SCARB1: variants seen among roughly 807,000 people sequenced by gnomAD.
SCARB1 encodes CD36 and LIMPII analogous 1.
In SCARB1, 30 loss-of-function variants were observed where a neutral mutation model predicts 57.2. The observed-to-expected ratio is 0.52, with a 90% CI of 0.39 to 0.71. The LOEUF (loss-of-function observed/expected upper bound fraction) is 0.71, where lower values mean the gene tolerates loss of function less well. Ranked by LOEUF, SCARB1 falls within the 30% of genes least tolerant of loss-of-function variation. The pLI, the probability that SCARB1 is intolerant of heterozygous loss-of-function variation, is 0.00. For synonymous variants in SCARB1, 249 were observed against 268.3 expected (o/e 0.93, Z 0.70); for missense variants, 543 against 671.2 (o/e 0.81, Z 2.11).
intron 1 of SCARB1, among the ~76,000 whole-genome samples, chr12:124,833,300 C>T (rs1951493436): frequency 6.6e-6 from 1 of 151,964 alleles, no homozygotes; most frequent in Non-Finnish European, 1.5e-5. Context: ...AGCAATCCTC[C>T]TTCCTCAGCC....
intron 8 of SCARB1, 34 bp from the exon 9 acceptor site, chr12:124,795,302 C>A: frequency 6.4e-7 from 1 of 1,558,480 alleles, no homozygotes; most frequent in Non-Finnish European, 8.9e-7. Context: ...AGACTGGCCA[C>A]CCCCAAGCTC....
Position 124,810,264 on chromosome 12 carries a change from C to T in SCARB1, c.752G>A (p.Cys251Tyr). 6.2e-7 allele frequency: 1 copy of T among 1,613,830 alleles called. No homozygotes were observed. Among genetic ancestry groups the T allele is most frequent in the Non-Finnish European group, 8.5e-7 (1 of 1,179,734 alleles). The part of the protein sequence containing the change: ...SKVDFWHSDQ[C>Y]NMINGTSGQM... The stretch of plus-strand genomic sequence containing the variant: ...CCCAGAAGTTCCATTGATCATGTTG[C>T]ACTGATCGGAATGCCAGAAGTCAAC... The change falls in exon 6 of 13, where the codon TGC becomes TAC. Residue 251 changes from cysteine (C) to tyrosine (Y), a missense_variant. Coordinates refer to ENST00000261693, the MANE Select transcript of SCARB1 (RefSeq NM_005505.5). The surrounding 1 kb of genome is among the most constrained non-coding windows in gnomAD (Gnocchi z 4.0).
At chr12:124,806,657 C>T (rs959937614) in intron 7 of SCARB1, among the ~76,000 whole-genome samples, 2 of 152,132 alleles carry the variant, frequency 1.3e-5, no homozygotes, top group East Asian at 1.9e-4. Context: ...TGCTTTAACA[C>T]GCAGAGGCAG....
intron 1 of SCARB1, among the ~76,000 whole-genome samples, chr12:124,845,857 A>AG (rs1952127774): frequency 6.7e-6 from 1 of 148,232 alleles, no homozygotes; most frequent in East Asian, 2.0e-4. Context: ...ATACAAAAAA[A>AG]AAAAATTAGC....
At chr12:124,826,809 A>C (rs1951180335) in intron 1 of SCARB1, among the ~76,000 whole-genome samples, 1 of 152,166 alleles carries the variant, frequency 6.6e-6, no homozygotes, top group South Asian at 2.1e-4. Context: ...GAAAAGGCTA[A>C]AGAAAGAAAC....
rs1360086804 is a variant in SCARB1 at position 124,810,707 on chromosome 12, AC to A, written c.727-419del. ...TCATAATGGTGGCCACCACCGGGCA[AC>A]CCCAAAACAGAACCTGTCAGGTTAA... On this transcript the variant is annotated intron_variant, in intron 5 of 12. Coordinates refer to ENST00000261693, the MANE Select transcript of SCARB1 (RefSeq NM_005505.5). This position sits in a 1 kb window ranked among gnomAD's most constrained non-coding sequence, Gnocchi z 4.0. Among the ~76,000 whole-genome samples, 3 of 152,086 alleles carry A rather than the reference AC, an allele frequency of 2.0e-5. No individual in the cohort carries two copies. Among genetic ancestry groups the A allele is most frequent in the Admixed American group, 2.0e-4 (3 of 15,264 alleles).
At position 124,800,840 on chromosome 12, in the gene SCARB1, C is replaced by G. The variant is rs1262988916; in HGVS notation, c.1010-598G>C. Among the ~76,000 whole-genome samples, 1 of 152,190 alleles carries G rather than the reference C, an allele frequency of 6.6e-6. No homozygotes were observed. The highest frequency in any genetic ancestry group is 2.4e-5 in the African/African-American group (1 of 41,440). On this transcript the variant is annotated intron_variant, in intron 7 of 12. Coordinates refer to ENST00000261693, the MANE Select transcript of SCARB1 (RefSeq NM_005505.5). The surrounding 1 kb of genome is among the most constrained non-coding windows in gnomAD (Gnocchi z 4.8). ...CTGACCAACCAAACCAGGCAAACAC[C>G]AGCTCACCCTCGGGACAATGGACAA...
At chr12:124,815,328 G>A (rs1279420126) in intron 2 of SCARB1, among the ~76,000 whole-genome samples, 2 of 152,122 alleles carry the variant, frequency 1.3e-5, no homozygotes, top group African/African-American at 4.8e-5. Context: ...ACCCGGCCTC[G>A]TTCTGCTCTC....
At chr12:124,802,591 C>T (rs1950172992) in intron 7 of SCARB1, among the ~76,000 whole-genome samples, 1 of 152,188 alleles carries the variant, frequency 6.6e-6, no homozygotes, top group East Asian at 1.9e-4. Context: ...ACTTGCCAGC[C>T]CCCGCCCTTG....
intron 1 of SCARB1, among the ~76,000 whole-genome samples, chr12:124,824,227 C>G (rs915502363): frequency 6.6e-6 from 1 of 151,208 alleles, no homozygotes; most frequent in African/African-American, 2.4e-5. Context: ...GAATGCAACA[C>G]TGACACATGC....
At chr12:124,857,622 T>C (rs573990900) in intron 1 of SCARB1, among the ~76,000 whole-genome samples, 73 of 152,154 alleles carry the variant, frequency 4.8e-4, no homozygotes, top group Admixed American at 7.9e-4. Flanking sequence ...GACGCTGCAG[T>C]GACAGTGATG....
intron 12 of SCARB1, among the ~76,000 whole-genome samples, chr12:124,780,161 T>C (rs2135515923): frequency 6.6e-6 from 1 of 152,238 alleles, no homozygotes; most frequent in South Asian, 2.1e-4. Context: ...AACATGGACT[T>C]GGCGTGGAAG....
At chr12:124,836,604 G>A (rs764330221) in intron 1 of SCARB1, among the ~76,000 whole-genome samples, 31 of 152,100 alleles carry the variant, frequency 2.0e-4, no homozygotes, top group African/African-American at 3.9e-4. Flanking sequence ...ACCAGCCTGC[G>A]CAACACAGTG....
intron 1 of SCARB1, among the ~76,000 whole-genome samples, chr12:124,852,428 G>A (rs893213674): frequency 3.9e-5 from 6 of 152,190 alleles, no homozygotes; most frequent in Non-Finnish European, 7.3e-5. Flanking sequence ...CCCGAGGAGG[G>A]AGGCCCGGAG....
chr12:124,833,403 T>C (rs1181855173), intron 1 of SCARB1, among the ~76,000 whole-genome samples: 2 of 152,120 alleles, frequency 1.3e-5, no homozygotes, highest in African/African-American at 2.4e-5. Flanking sequence ...TTGCCCAAGC[T>C]GGTCTTCAAC....
intron 8 of SCARB1, among the ~76,000 whole-genome samples, chr12:124,798,659 G>A (rs1346681235): frequency 6.6e-6 from 1 of 151,428 alleles, no homozygotes; most frequent in African/African-American, 2.4e-5. Flanking sequence ...CATGGCCAAC[G>A]TGGCAAAACC....
In SCARB1 at chr12:124,807,667, C is replaced by T; in HGVS notation, c.1009+94G>A. ...AATGGGATTATCAAGAGTACAGAGG[C>T]CAGAGATTAAGCAGACAGCACTGGG... On this transcript the variant is annotated intron_variant, in intron 7 of 12. Transcript: ENST00000261693. The surrounding 1 kb of genome is among the most constrained non-coding windows in gnomAD (Gnocchi z 5.3). 2 of 1,226,502 alleles carry T rather than the reference C, an allele frequency of 1.6e-6. No homozygotes were observed. The highest frequency in any genetic ancestry group is 1.5e-5 in the African/African-American group (1 of 66,834). The allele number at this position is 1,226,502 out of a possible 1,614,324, so 76.0% of individuals were successfully genotyped here. A position where few individuals can be genotyped will look rare whatever the true frequency, so the allele number is the denominator to read the frequency against.
chr12:124,844,727 GA>G (rs1411509561), intron 1 of SCARB1, among the ~76,000 whole-genome samples: 1 of 152,104 alleles, frequency 6.6e-6, no homozygotes, highest in Non-Finnish European at 1.5e-5. Context: ...CCAACATCCT[GA>G]TCTCAGACTT....
chr12:124,850,245 C>T (rs1952339039), intron 1 of SCARB1, among the ~76,000 whole-genome samples: 1 of 151,740 alleles, frequency 6.6e-6, no homozygotes, highest in Admixed American at 6.6e-5. Context: ...TAGTGGTGGG[C>T]ACCTGTAATC....
Sources: allele counts gnomAD v4.1 joint callset (sites outside exome capture counted in the v4.1 genomes callset), GRCh38; gene constraint gnomAD v4.1.1; non-coding constraint Gnocchi (gnomAD v3.1); transcripts MANE v1.5; gene names NCBI Gene and HGNC (gene_info 2026-07-23, HGNC 2026-07-21).